Variants in XPNPEP2 observed in about 807,000 individuals in gnomAD.
XPNPEP2 encodes xaa-Pro aminopeptidase 2.
Under a neutral mutation model 59.8 loss-of-function variants are expected in XPNPEP2, and 64 were observed. That is an observed-to-expected ratio of 1.07 (90% CI 0.87 to 1.32). The LOEUF (loss-of-function observed/expected upper bound fraction) is 1.32, where lower values mean the gene tolerates loss of function less well. Ranked by LOEUF, XPNPEP2 falls within the 40% of genes most tolerant of loss-of-function variation. The pLI is 0.00. For synonymous variants in XPNPEP2, 235 were observed against 210.0 expected, an observed-to-expected ratio of 1.12 and a Z score of -1.03; for missense variants, 575 against 546.8, an observed-to-expected ratio of 1.05 and a Z score of -0.51.
At chrX:129,741,174 G>C (rs184773969) in intron 1 of XPNPEP2, among the ~76,000 whole-genome samples, 1 of 89,779 alleles carries the variant, frequency 1.1e-5, no homozygotes, top group Non-Finnish European at 2.0e-5. Flanking sequence ...ATGAATATTG[G>C]GGGGGGGTCA....
At position 129,767,599 on chromosome X, in the gene XPNPEP2, C is replaced by A. The variant is rs1018619881; in HGVS notation, c.1741-4C>A. 8.3e-7 allele frequency: 1 copy of A among 1,209,255 alleles called. No homozygotes were observed. The highest frequency in any genetic ancestry group is 1.8e-5 in the African/African-American group (1 of 57,078). On this transcript the variant is annotated splice_region_variant and splice_polypyrimidine_tract_variant and intron_variant, in intron 19 of 20. Coordinates refer to ENST00000371106, the MANE Select transcript of XPNPEP2 (RefSeq NM_003399.6). ...CTTACCCGGCTTCTATTCTGGGCTC[C>A]CAGTACCCAGGGAGCTACCTGACCT...
At chrX:129,761,647 C>A (rs766631153) in intron 17 of XPNPEP2, among the ~76,000 whole-genome samples, 1 of 112,250 alleles carries the variant, frequency 8.9e-6, no homozygotes, top group South Asian at 3.7e-4. Flanking sequence ...CACAGCAAGA[C>A]CCCGTCTCTA....
At chrX:129,739,294 G>T in intron 1 of XPNPEP2, 32 bp downstream of exon 1, 1 of 1,194,040 alleles carries the variant, frequency 8.4e-7, no homozygotes. Context: ...CTGGAAGGCA[G>T]CTCTGACCTC....
In XPNPEP2 at chrX:129,751,844, C is replaced by T. The variant is rs756318490; in HGVS notation, c.821+18C>T. ...TCTATTAGGTATGGCTTTTCCTTAG[C>T]TTGCTGTTGTGGACTTTCTCCAACT... is the stretch of plus-strand genomic sequence containing the variant. On this transcript the variant is annotated intron_variant, in intron 9 of 20. Coordinates refer to ENST00000371106, the MANE Select transcript of XPNPEP2 (RefSeq NM_003399.6). 8.4e-7 allele frequency: 1 copy of T among 1,192,386 alleles called. No individual in the cohort carries two copies. Among genetic ancestry groups the T allele is most frequent in the African/African-American group, 1.8e-5 (1 of 56,855 alleles).
chrX:129,740,519 CA>C (rs1023687116), intron 1 of XPNPEP2, among the ~76,000 whole-genome samples: 1 of 110,310 alleles, frequency 9.1e-6, no homozygotes, highest in Non-Finnish European at 1.9e-5. Context: ...CCCAGTTCCT[CA>C]GGGGGGGCTG....
intron 4 of XPNPEP2, 93 bp downstream of exon 4, chrX:129,745,359 C>A: frequency 3.0e-6 from 3 of 1,011,127 alleles, no homozygotes; most frequent in Admixed American, 4.7e-5. Flanking sequence ...GCATCTGGGA[C>A]CCCAGAACCT....
Position 129,756,545 on chromosome X carries a change from G to A in XPNPEP2, c.1357G>A (p.Gly453Arg). 8.3e-7 allele frequency: 1 copy of A among 1,211,123 alleles called. No homozygotes were observed. The highest frequency in any genetic ancestry group is 1.1e-6 in the Non-Finnish European group (1 of 895,058). Residue 453 changes from glycine (G) to arginine (R), a missense_variant, in exon 14 of 21, where the codon GGG (glycine) becomes AGG (arginine). By Grantham distance (125) the Gly-to-Arg change is moderately radical. Transcript: ENST00000371106. ...SDEMYLLDSG[G>R]QYWDGTTDIT... ...TGAGATGTACCTGCTGGACTCTGGGGGGCAGTACTGGTATGTACCCCGACC... is the reference window on the plus strand; with the variant it reads ...TGAGATGTACCTGCTGGACTCTGGGAGGCAGTACTGGTATGTACCCCGACC...
At position 129,747,105 on chromosome X, in the gene XPNPEP2, A is replaced by C. The variant is rs1926312619; in HGVS notation, c.490+424A>C. Among the ~76,000 whole-genome samples, 4 of 111,190 alleles carry C rather than the reference A, an allele frequency of 3.6e-5. No individual in the cohort carries two copies. The Admixed American group carries it at 3.8e-4, about 11-fold the overall frequency. ...TGGGAGGGCTTCTGAGTTTAAAAAA[A>C]AAAGGGCCCCTGAGAATACAACTCC... is the stretch of plus-strand genomic sequence containing the variant. On this transcript the variant is annotated intron_variant, in intron 6 of 20. Coordinates refer to ENST00000371106, the MANE Select transcript of XPNPEP2 (RefSeq NM_003399.6).
chrX:129,747,563 G>A, intron 6 of XPNPEP2, 44 bp from the exon 7 acceptor site: 2 of 1,198,466 alleles, frequency 1.7e-6, no homozygotes, highest in Non-Finnish European at 2.3e-6. Flanking sequence ...TTTTCCTGGG[G>A]TGTAAATGGG....
intron 19 of XPNPEP2, among the ~76,000 whole-genome samples, 169 bp downstream of exon 19, chrX:129,762,939 G>C (rs377636207): frequency 1.8e-5 from 2 of 111,951 alleles, no homozygotes; most frequent in Non-Finnish European, 3.8e-5. Flanking sequence ...TTTCAAACTC[G>C]CTTGCACATT....
chrX:129,739,135 T>C lies in XPNPEP2; in HGVS notation c.-79T>C. ...TGTCTGCTCGAGCCCAGGAAAGGCC[T>C]GAAGGAAGAGGCCGGGGAAAGAGCC... On this transcript the variant is annotated 5_prime_UTR_variant, in exon 1 of 21. Transcript: ENST00000371106. The C allele has an allele frequency of 2.8e-6, 3 of 1,079,323 alleles. No individual in the cohort carries two copies. Among genetic ancestry groups the C allele is most frequent in the Non-Finnish European group, 2.5e-6 (2 of 793,442 alleles). 88.9% of individuals were successfully genotyped at this position (1,079,323 alleles called of 1,213,427 possible). A position where few individuals can be genotyped will look rare whatever the true frequency, so the allele number is the denominator to read the frequency against.
chrX:129,757,091 C>CACACACACACACACACACACAT (rs1556393448), intron 14 of XPNPEP2, among the ~76,000 whole-genome samples: 1 of 100,065 alleles, frequency 1.0e-5, no homozygotes, highest in African/African-American at 3.7e-5. Flanking sequence ...CACACACACA[C>CACACACACACACACACACACAT]ATATATATAT....
chrX:129,768,554 G>T lies in XPNPEP2; in HGVS notation c.*69G>T. 1 of 962,020 alleles carries T rather than the reference G, an allele frequency of 1.0e-6. No homozygotes were observed. Among genetic ancestry groups the T allele is most frequent in the South Asian group, 3.0e-5 (1 of 33,449 alleles). 79.3% of individuals were successfully genotyped at this position (962,020 alleles called of 1,213,427 possible). A position where few individuals can be genotyped will look rare whatever the true frequency, so the allele number is the denominator to read the frequency against. ...TCCCTTGCTTAGCTCCCCTCACCCT[G>T]CACTGAACATACCCCAAGAGCCCCT... is the stretch of plus-strand genomic sequence containing the variant. On this transcript the variant is annotated 3_prime_UTR_variant, in exon 21 of 21. Coordinates refer to ENST00000371106, the MANE Select transcript of XPNPEP2 (RefSeq NM_003399.6).
At chrX:129,746,832 A>G in intron 6 of XPNPEP2, 151 bp downstream of exon 6, 1 of 507,238 alleles carries the variant, frequency 2.0e-6, no homozygotes, top group East Asian at 3.4e-5. Flanking sequence ...ATGTTTTGCA[A>G]TGAGGATGTA....
At chrX:129,757,746 G>C (rs1340825901) in intron 14 of XPNPEP2, among the ~76,000 whole-genome samples, 1 of 101,999 alleles carries the variant, frequency 9.8e-6, no homozygotes, top group Non-Finnish European at 2.0e-5. Context: ...AGTGAGCCGA[G>C]ATCGTGACAC....
intron 3 of XPNPEP2, among the ~76,000 whole-genome samples, 172 bp from the exon 4 acceptor site, chrX:129,745,031 A>G (rs1047912777): frequency 9.0e-6 from 1 of 111,436 alleles, no homozygotes; most frequent in Non-Finnish European, 1.9e-5. Flanking sequence ...AAGATATTGA[A>G]GGCTGGGAGA....
intron 8 of XPNPEP2, 26 bp downstream of exon 8, chrX:129,750,595 T>C (rs1471004464): frequency 5.3e-6 from 6 of 1,129,786 alleles, no homozygotes; most frequent in Non-Finnish European, 7.1e-6. Context: ...CAGACATGGG[T>C]GGGCGCCTGG....
intron 5 of XPNPEP2, 54 bp from the exon 6 acceptor site, chrX:129,746,541 G>C: frequency 8.9e-7 from 1 of 1,124,271 alleles, no homozygotes; most frequent in Non-Finnish European, 1.2e-6. Context: ...TGGCTGGAGA[G>C]CCTGGGGCTG....
At chrX:129,749,768 A>C (rs747594223) in intron 7 of XPNPEP2, among the ~76,000 whole-genome samples, 1 of 113,156 alleles carries the variant, frequency 8.8e-6, no homozygotes, top group South Asian at 3.6e-4. Flanking sequence ...TTATCAAGAC[A>C]GTACGGTGTC....
Sources: gnomAD v4.1 joint callset for allele counts (sites outside exome capture counted in the v4.1 genomes callset) on GRCh38, gnomAD v4.1.1 for gene constraint, MANE v1.5 for transcripts, NCBI Gene and HGNC (gene_info 2026-07-23, HGNC 2026-07-21) for gene names.